CTNND2: variants seen among roughly 807,000 people sequenced by gnomAD.
The protein encoded by CTNND2 is catenin delta-2.
In CTNND2, 22 loss-of-function variants were observed where a neutral mutation model predicts 144.4. That is an observed-to-expected ratio of 0.15 (90% CI 0.11 to 0.22). The LOEUF is 0.22. Ranked by LOEUF, CTNND2 falls within the 10% of genes least tolerant of loss-of-function variation. The probability of loss-of-function intolerance (pLI) is 1.00; values close to 1 mark genes in which losing one functional copy is unlikely to be tolerated. For missense variants in CTNND2, 1,353 were observed against 1,618.8 expected, an observed-to-expected ratio of 0.84 and a Z score of 2.82; for synonymous variants, 751 against 695.6, an observed-to-expected ratio of 1.08 and a Z score of -1.25.
intron 10 of CTNND2, among the ~76,000 whole-genome samples, chr5:11,215,817 T>C (rs752796623): frequency 1.3e-5 from 2 of 152,294 alleles, no homozygotes; most frequent in Middle Eastern, 3.4e-3. Context: ...AGAGATAATA[T>C]GGAAAACTGT....
At chr5:11,007,372 C>T (rs541127493) in intron 18 of CTNND2, among the ~76,000 whole-genome samples, 3 of 137,908 alleles carry the variant, frequency 2.2e-5, no homozygotes, top group South Asian at 2.8e-4. Context: ...GGAGCACTGG[C>T]GGTGAGGACG....
At chr5:10,986,711 T>A (rs781020822) in intron 20 of CTNND2, 1 of 456,106 alleles carries the variant, frequency 2.2e-6, no homozygotes, top group South Asian at 1.5e-5. Flanking sequence ...TGTTCCCTTG[T>A]AGGGTCTGCA....
At chr5:11,560,089 T>C (rs1396186062) in intron 3 of CTNND2, among the ~76,000 whole-genome samples, 2 of 152,154 alleles carry the variant, frequency 1.3e-5, no homozygotes, top group African/African-American at 2.4e-5. Context: ...GTGGAGACAA[T>C]GATGACACTT....
chr5:11,130,758 C>T (rs896102998), intron 12 of CTNND2, among the ~76,000 whole-genome samples: 3 of 152,132 alleles, frequency 2.0e-5, no homozygotes, highest in Non-Finnish European at 2.9e-5. Flanking sequence ...GACCGGACGA[C>T]GTCTCAAGCT....
At chr5:11,693,806 T>C (rs1363724478) in intron 2 of CTNND2, among the ~76,000 whole-genome samples, 3 of 152,240 alleles carry the variant, frequency 2.0e-5, no homozygotes, top group African/African-American at 7.2e-5. Context: ...AAGTCAATGA[T>C]AACACTGAAT....
At chr5:11,055,164 G>A (rs1580156709) in intron 16 of CTNND2, among the ~76,000 whole-genome samples, 1 of 152,322 alleles carries the variant, frequency 6.6e-6, no homozygotes, top group South Asian at 2.1e-4. Context: ...ATGAACCAGG[G>A]TTAAGGACGT....
intron 3 of CTNND2, among the ~76,000 whole-genome samples, chr5:11,467,114 G>A (rs1766757469): frequency 6.6e-6 from 1 of 152,232 alleles, no homozygotes; most frequent in South Asian, 2.1e-4. Context: ...CACCAGGCTG[G>A]TGCCCATACC....
chr5:11,864,898 T>C (rs1297028434), intron 1 of CTNND2, among the ~76,000 whole-genome samples: 3 of 139,440 alleles, frequency 2.2e-5, no homozygotes, highest in Non-Finnish European at 3.1e-5. Context: ...TTTTTTTTTT[T>C]TTTTTTTTTT....
intron 12 of CTNND2, among the ~76,000 whole-genome samples, chr5:11,121,057 C>T (rs1439823582): frequency 1.3e-5 from 2 of 152,172 alleles, no homozygotes; most frequent in Non-Finnish European, 1.5e-5. Flanking sequence ...TTTTGATCAA[C>T]ATGTTAAGGT....
chr5:11,858,669 C>T (rs1431889633), intron 1 of CTNND2, among the ~76,000 whole-genome samples: 5 of 152,188 alleles, frequency 3.3e-5, no homozygotes, highest in African/African-American at 1.2e-4. Context: ...GTGGCTCACG[C>T]CTGTTAATCC....
At chr5:11,076,289 T>C (rs897571368) in intron 16 of CTNND2, among the ~76,000 whole-genome samples, 13 of 152,190 alleles carry the variant, frequency 8.5e-5, no homozygotes, top group African/African-American at 2.7e-4. Flanking sequence ...AGGTAGTAAA[T>C]GCAAGCTCAT....
chr5:11,580,285 T>G (rs1046831359), intron 2 of CTNND2, among the ~76,000 whole-genome samples: 2 of 152,210 alleles, frequency 1.3e-5, no homozygotes, highest in African/African-American at 2.4e-5. Context: ...AGTTGCTAAG[T>G]GAGGAAACAG....
chr5:11,411,508 C>G, intron 5 of CTNND2, 28 bp downstream of exon 5: 1 of 1,142,466 alleles, frequency 8.8e-7, no homozygotes, highest in Non-Finnish European at 1.3e-6. Flanking sequence ...TTTCAACTAT[C>G]TTCAAGCATA....
In CTNND2 at chr5:11,479,385, T is replaced by C. The variant is rs187439450; in HGVS notation, c.288-67316A>G. ...TGGTATATATGTACCACATTTTATTTATCCAATGTACCTTTGATGGGCATT... is the reference window on the plus strand; with the variant it reads ...TGGTATATATGTACCACATTTTATTCATCCAATGTACCTTTGATGGGCATT... On this transcript the variant is annotated intron_variant, in intron 3 of 21. Coordinates refer to ENST00000304623, the MANE Select transcript of CTNND2 (RefSeq NM_001332.4). Among the ~76,000 whole-genome samples the C allele has an allele frequency of 5.2e-3, 795 of 152,356 alleles. 4 individuals carry two copies. The highest frequency in any genetic ancestry group is 9.0e-3 in the Non-Finnish European group (611 of 68,034).
At chr5:11,029,538 TACAA>T (rs1311177615) in intron 16 of CTNND2, among the ~76,000 whole-genome samples, 1 of 152,260 alleles carries the variant, frequency 6.6e-6, no homozygotes, top group East Asian at 1.9e-4. Context: ...TTCAATAACA[TACAA>T]ACACTTTGTT....
chr5:11,721,746 G>A (rs760798814), intron 2 of CTNND2, among the ~76,000 whole-genome samples: 4 of 152,208 alleles, frequency 2.6e-5, no homozygotes, highest in Admixed American at 2.6e-4. Flanking sequence ...CAAGTGTCTT[G>A]AGCATGTTCA....
intron 11 of CTNND2, among the ~76,000 whole-genome samples, chr5:11,195,966 T>C (rs1304431036): frequency 2.0e-5 from 3 of 152,226 alleles, no homozygotes; most frequent in African/African-American, 7.2e-5. Context: ...TTGCAAGACA[T>C]AGCAGGCAGC....
At chr5:11,281,073 C>A (rs1176882903) in intron 9 of CTNND2, among the ~76,000 whole-genome samples, 1 of 152,004 alleles carries the variant, frequency 6.6e-6, no homozygotes, top group Non-Finnish European at 1.5e-5. Context: ...ATCCTCCAGA[C>A]AAATTAACGA....
intron 12 of CTNND2, among the ~76,000 whole-genome samples, chr5:11,135,722 C>T (rs1358165482): frequency 6.6e-6 from 1 of 152,088 alleles, no homozygotes; most frequent in Non-Finnish European, 1.5e-5. Context: ...AGTGGTTTCC[C>T]ATCTTTATTT....
Sources: allele counts gnomAD v4.1 joint callset (sites outside exome capture counted in the v4.1 genomes callset), GRCh38; gene constraint gnomAD v4.1.1; transcripts MANE v1.5; gene names NCBI Gene and HGNC (gene_info 2026-07-23, HGNC 2026-07-21).